The following SLC9B2 variants were observed in gnomAD, a reference collection of about 807,000 sequenced individuals.
SLC9B2 encodes solute carrier family 9 member B2.
In SLC9B2, 39 loss-of-function variants were observed where a neutral mutation model predicts 52.2. The observed-to-expected ratio is 0.75, with a 90% CI of 0.58 to 0.98. The LOEUF (loss-of-function observed/expected upper bound fraction) is 0.98. Among genes scored for constraint, SLC9B2 ranks in the 50% least tolerant of loss-of-function variants. The probability of loss-of-function intolerance (pLI) is 0.00; values close to 1 mark genes in which losing one functional copy is unlikely to be tolerated. For missense variants in SLC9B2, 626 were observed against 637.5 expected, an observed-to-expected ratio of 0.98 and a Z score of 0.19; for synonymous variants, 214 against 227.0, an observed-to-expected ratio of 0.94 and a Z score of 0.51.
intron 7 of SLC9B2, among the ~76,000 whole-genome samples, chr4:103,046,530 C>G (rs1744136625): frequency 6.6e-6 from 1 of 152,138 alleles, no homozygotes; most frequent in Non-Finnish European, 1.5e-5. Context: ...AAAATCATTG[C>G]TGTTATTACC....
rs1245034470 is a variant in SLC9B2, at chr4:103,024,084, TC to T, written c.*2285del. Among the ~76,000 whole-genome samples the T allele has an allele frequency of 3.9e-5, 6 of 152,164 alleles. No individual in the cohort carries two copies. The highest frequency in any genetic ancestry group is 1.4e-4 in the African/African-American group (6 of 41,426). Reference sequence around the variant, plus strand: ...TTGATTGAGTGCTCCTGCCATGAGCTCCCTAGCAGCCCTGTAGTTCCTGCAT... The same window carrying T: ...TTGATTGAGTGCTCCTGCCATGAGCTCCTAGCAGCCCTGTAGTTCCTGCAT... On this transcript the variant is annotated 3_prime_UTR_variant, in exon 12 of 12. Coordinates refer to ENST00000394785, the MANE Select transcript of SLC9B2 (RefSeq NM_178833.7).
chr4:103,073,868 CT>C (rs1644159546), intron 1 of SLC9B2, among the ~76,000 whole-genome samples: 1 of 152,208 alleles, frequency 6.6e-6, no homozygotes, highest in South Asian at 2.1e-4. Flanking sequence ...GACTTATGGC[CT>C]GTCTAAATGC....
In SLC9B2 at chr4:103,023,312, A is replaced by T. The variant is rs1741935932; in HGVS notation, c.*3058T>A. Among the ~76,000 whole-genome samples the T allele has an allele frequency of 1.3e-5, 2 of 152,222 alleles. No homozygotes were observed. Among genetic ancestry groups the T allele is most frequent in the Admixed American group, 6.5e-5 (1 of 15,286 alleles). The stretch of plus-strand genomic sequence containing the variant: ...TTAATAAGAGACAAACATGTAAATA[A>T]AGTGAAAAAAAGTGTTACATGTGCT... On this transcript the variant is annotated 3_prime_UTR_variant, in exon 12 of 12. Transcript: ENST00000394785.
At chr4:103,046,197 GA>G (rs1744106934) in intron 7 of SLC9B2, among the ~76,000 whole-genome samples, 1 of 152,184 alleles carries the variant, frequency 6.6e-6, no homozygotes, top group South Asian at 2.1e-4. Context: ...CTGCCAAGAA[GA>G]TGTGTTCCCA....
chr4:103,057,270 A>ATGTATATATATATATGTATGTG (rs1682186175), intron 4 of SLC9B2, among the ~76,000 whole-genome samples: 1 of 147,426 alleles, frequency 6.8e-6, no homozygotes, highest in African/African-American at 2.5e-5. Context: ...ATATATATAT[A>ATGTATATATATATATGTATGTG]TATACACACA....
intron 10 of SLC9B2, among the ~76,000 whole-genome samples, chr4:103,030,712 A>G (rs1047991290): frequency 1.3e-5 from 2 of 152,104 alleles, no homozygotes; most frequent in African/African-American, 4.8e-5. Flanking sequence ...TAAAATACAC[A>G]TAACATTTAC....
chr4:103,064,586 C>T (rs1189848883), intron 3 of SLC9B2, among the ~76,000 whole-genome samples: 5 of 152,038 alleles, frequency 3.3e-5, no homozygotes, highest in South Asian at 2.1e-4. Flanking sequence ...ACCACAGCAA[C>T]GTGACTATAG....
rs949762291 is a variant in SLC9B2, at chr4:103,023,958, T to G, written c.*2412A>C. Among the ~76,000 whole-genome samples the G allele has an allele frequency of 6.6e-6, 1 of 152,312 alleles. No individual in the cohort carries two copies. The highest frequency in any genetic ancestry group is 1.9e-4 in the East Asian group (1 of 5,190). On this transcript the variant is annotated 3_prime_UTR_variant, in exon 12 of 12. Transcript: ENST00000394785. Reference sequence around the variant, plus strand: ...TGGGAAACAGCATGAAGTGTAACACTTTTTGGTCTTACATCCCTTTTGCTG... The same window carrying G: ...TGGGAAACAGCATGAAGTGTAACACGTTTTGGTCTTACATCCCTTTTGCTG...
At chr4:103,043,485 T>G (rs368633568) in intron 8 of SLC9B2, 40 bp from the exon 9 acceptor site, 16 of 1,546,566 alleles carry the variant, frequency 1.0e-5, no homozygotes, top group Non-Finnish European at 1.4e-5. Context: ...TTATTTCAAA[T>G]CCCTGATTTT....
intron 4 of SLC9B2, among the ~76,000 whole-genome samples, chr4:103,054,961 C>A (rs1374643590): frequency 6.6e-6 from 1 of 152,084 alleles, no homozygotes; most frequent in Non-Finnish European, 1.5e-5. Context: ...TGGCACTATT[C>A]ACAATAGCAA....
chr4:103,048,138 G>T (rs1744335241), intron 6 of SLC9B2, among the ~76,000 whole-genome samples: 2 of 152,300 alleles, frequency 1.3e-5, no homozygotes, highest in African/African-American at 4.8e-5. Flanking sequence ...ATTGATACCA[G>T]TAACAACAGC....
intron 10 of SLC9B2, among the ~76,000 whole-genome samples, chr4:103,031,385 G>T (rs1742686491): frequency 2.0e-5 from 3 of 152,132 alleles, no homozygotes; most frequent in African/African-American, 7.2e-5. Context: ...AAGGCTAGAT[G>T]AATATTCTTA....
chr4:103,049,999 C>A (rs1481511347), intron 5 of SLC9B2, among the ~76,000 whole-genome samples: 2 of 147,372 alleles, frequency 1.4e-5, no homozygotes, highest in South Asian at 2.1e-4. Context: ...GGTGACAGAG[C>A]GAGACTCTGT....
intron 2 of SLC9B2, among the ~76,000 whole-genome samples, chr4:103,067,041 G>A (rs1050528331): frequency 6.6e-6 from 1 of 151,248 alleles, no homozygotes; most frequent in Non-Finnish European, 1.5e-5. Flanking sequence ...TCAGATAAGG[G>A]ATATTCAACC....
downstream of SLC9B2, among the ~76,000 whole-genome samples, chr4:103,020,982 C>T (rs1741751160): frequency 6.6e-6 from 1 of 152,124 alleles, no homozygotes; most frequent in South Asian, 2.1e-4. Context: ...GACATCTCAG[C>T]AAGGATTTAT....
At position 103,061,209 on chromosome 4, in the gene SLC9B2, C is replaced by T. The variant is rs367742121; in HGVS notation, c.272-3238G>A. ...ATGCTGCTATAAAGACACATGCACA[C>T]GTACGTTTATTGAGGCACTATTCAC... On this transcript the variant is annotated intron_variant, in intron 3 of 11. Coordinates refer to ENST00000394785, the MANE Select transcript of SLC9B2 (RefSeq NM_178833.7). 8.9e-4 allele frequency among the ~76,000 whole-genome samples: 136 copies of T among 152,252 alleles called. 7 individuals are homozygous for T. In the South Asian group the frequency reaches 0.027, roughly 30 times the overall value.
chr4:103,028,578 T>C (rs916269978), intron 11 of SLC9B2, among the ~76,000 whole-genome samples, 169 bp downstream of exon 11: 5 of 152,128 alleles, frequency 3.3e-5, no homozygotes, highest in African/African-American at 4.8e-5. Flanking sequence ...ATTTAAGGAA[T>C]GAATATACCA....
chr4:103,063,904 C>T (rs910252067), intron 3 of SLC9B2, among the ~76,000 whole-genome samples: 2 of 152,162 alleles, frequency 1.3e-5, no homozygotes, highest in African/African-American at 4.8e-5. Flanking sequence ...CAAAAGAAGA[C>T]ATACAAATGG....
intron 4 of SLC9B2, among the ~76,000 whole-genome samples, chr4:103,055,996 G>A (rs112513733): frequency 0.024 from 3,705 of 151,836 alleles, 64 homozygotes; most frequent in Non-Finnish European, 0.034. Context: ...AGTAGAGACG[G>A]GATTTTACCA....
Sources: gnomAD v4.1 joint callset for allele counts (sites outside exome capture counted in the v4.1 genomes callset) on GRCh38, gnomAD v4.1.1 for gene constraint, MANE v1.5 for transcripts, NCBI Gene and HGNC (gene_info 2026-07-23, HGNC 2026-07-21) for gene names.